LMO4: variants seen among roughly 807,000 people sequenced by gnomAD.
The protein encoded by LMO4 is LIM domain only 4, also known as LIM domain transcription factor LMO4.
A neutral mutation model predicts 18.5 loss-of-function variants in LMO4; 3 were observed. The observed-to-expected ratio is 0.16, with a 90% CI of 0.07 to 0.42. The LOEUF (loss-of-function observed/expected upper bound fraction) is 0.42, where lower values mean the gene tolerates loss of function less well. LMO4 is among the 10% of genes least tolerant of loss of function. The pLI is 0.99. For missense variants in LMO4, 121 were observed against 219.9 expected (o/e 0.55, Z 2.84); for synonymous variants, 100 against 88.1 (o/e 1.14, Z -0.76).
chr1:87,331,427 C>T (rs1457263028), intron 1 of LMO4: 1 of 152,600 alleles, frequency 6.6e-6, no homozygotes, highest in South Asian at 2.1e-4. Flanking sequence ...CCGGTCCCTC[C>T]CTCGTTCCCT....
chr1:87,343,658 G>A (rs1048392024), intron 4 of LMO4, among the ~76,000 whole-genome samples: 4 of 152,208 alleles, frequency 2.6e-5, no homozygotes, highest in African/African-American at 9.7e-5. Flanking sequence ...GGTGTTGTGT[G>A]TGTCCATCGT....
chr1:87,348,317 C>A lies in LMO4; in HGVS notation c.*3521C>A, dbSNP rs117439546. The stretch of plus-strand genomic sequence containing the variant: ...ATCCTGGGTGCTGTCCCACCTATGA[C>A]CCCTTCAAGAGGCCATTGGAAAAAG... On this transcript the variant is annotated 3_prime_UTR_variant, in exon 5 of 5. Coordinates refer to ENST00000370544, the MANE Select transcript of LMO4 (RefSeq NM_006769.4). The A allele has an allele frequency of 6.7e-4, 141 of 211,014 alleles. 1 individual carries two copies. In the East Asian group the frequency reaches 0.014, roughly 21 times the overall value. The allele number at this position is 211,014 out of a possible 1,614,324, so 13.1% of individuals were successfully genotyped here.
At chr1:87,340,236 A>G (rs981141301) in intron 4 of LMO4, 34 bp downstream of exon 4, 1 of 1,607,662 alleles carries the variant, frequency 6.2e-7, no homozygotes, top group Non-Finnish European at 8.5e-7. Flanking sequence ...AAGCTTTATT[A>G]GAGCAAGTTG....
At chr1:87,343,809 A>AG (rs2100569543) in intron 4 of LMO4, among the ~76,000 whole-genome samples, 1 of 152,318 alleles carries the variant, frequency 6.6e-6, no homozygotes, top group East Asian at 1.9e-4. Context: ...GCTTGGAAGT[A>AG]GGGGGTTGCA....
At chr1:87,329,286 A>T (rs1650059520) in intron 1 of LMO4, 42 bp downstream of exon 1, 1 of 151,980 alleles carries the variant, frequency 6.6e-6, no homozygotes, top group Admixed American at 6.5e-5. Context: ...GAGGTGGGAG[A>T]GGGAGGGAGG....
Position 87,339,642 on chromosome 1 carries a change from G to T in LMO4, c.333+10G>T. 1 of 1,558,944 alleles carries T rather than the reference G, an allele frequency of 6.4e-7. No individual in the cohort carries two copies. On this transcript the variant is annotated intron_variant, in intron 3 of 4. Coordinates refer to ENST00000370544, the MANE Select transcript of LMO4 (RefSeq NM_006769.4). ...TGTGTATCATCTTAAGGTAGTATTT[G>T]CATCTCTCTTTTTTTTTTAAAAAAA...
chr1:87,344,804 G>C lies in LMO4; in HGVS notation c.*8G>C. On this transcript the variant is annotated 3_prime_UTR_variant, in exon 5 of 5. Coordinates refer to ENST00000370544, the MANE Select transcript of LMO4 (RefSeq NM_006769.4). ...TTCTTGCAGGTCTGCTAAAAGGTCA[G>C]AGTAATGCAGAATGCGTGCCTTCAT... 6.2e-7 allele frequency: 1 copy of C among 1,613,870 alleles called. No homozygotes were observed. The highest frequency in any genetic ancestry group is 8.5e-7 in the Non-Finnish European group (1 of 1,179,828).
In LMO4 at chr1:87,348,631, C is replaced by A. The variant is rs190437534; in HGVS notation, c.*3835C>A. ...GGCATTTGTAGCCCTCTGCTCCCAT[C>A]GTGAACATGCTGAGAGCAATGACAA... On this transcript the variant is annotated 3_prime_UTR_variant, in exon 5 of 5. Coordinates refer to ENST00000370544, the MANE Select transcript of LMO4 (RefSeq NM_006769.4). The A allele has an allele frequency of 4.3e-6, 2 of 460,740 alleles. No individual in the cohort carries two copies. Among genetic ancestry groups the A allele is most frequent in the African/African-American group, 2.0e-5 (1 of 50,516 alleles). 28.5% of individuals were successfully genotyped at this position (460,740 alleles called of 1,614,324 possible). A position where few individuals can be genotyped will look rare whatever the true frequency, so the allele number is the denominator to read the frequency against.
At position 87,345,608 on chromosome 1, in the gene LMO4, C is replaced by T. The variant is rs2100571612; in HGVS notation, c.*812C>T. 1.3e-5 allele frequency: 2 copies of T among 152,120 alleles called. No homozygotes were observed. 9.4% of individuals were successfully genotyped at this position (152,120 alleles called of 1,614,324 possible). A position where few individuals can be genotyped will look rare whatever the true frequency, so the allele number is the denominator to read the frequency against. The stretch of plus-strand genomic sequence containing the variant: ...TAATGGTGTTTGGGTTTAAACACTG[C>T]TTTTTCTCTTCTGTATTTTGAAGAA... On this transcript the variant is annotated 3_prime_UTR_variant, in exon 5 of 5. Coordinates refer to ENST00000370544, the MANE Select transcript of LMO4 (RefSeq NM_006769.4).
chr1:87,344,095 A>C (rs184722106), intron 4 of LMO4, among the ~76,000 whole-genome samples: 98 of 152,342 alleles, frequency 6.4e-4, no homozygotes, highest in Non-Finnish European at 1.1e-3. Context: ...ATTAAGTGAC[A>C]TAGCAGATAA....
chr1:87,339,912 A>C, intron 3 of LMO4, 135 bp from the exon 4 acceptor site: 1 of 1,005,152 alleles, frequency 9.9e-7, no homozygotes, highest in Non-Finnish European at 1.5e-6. Context: ...GAGATCTGTC[A>C]AAGGAAGAAA....
chr1:87,333,834 T>C (rs779129606), intron 2 of LMO4, among the ~76,000 whole-genome samples: 4 of 151,394 alleles, frequency 2.6e-5, no homozygotes, highest in Non-Finnish European at 5.9e-5. Flanking sequence ...TGTAATTAAA[T>C]AGAAAGCAAA....
chr1:87,330,066 A>G (rs1650091679), intron 1 of LMO4, among the ~76,000 whole-genome samples: 1 of 147,418 alleles, frequency 6.8e-6, no homozygotes, highest in South Asian at 2.1e-4. Context: ...CTTAGTTATC[A>G]GGGGAGTCAG....
chr1:87,337,987 G>A (rs1650360272), intron 2 of LMO4, among the ~76,000 whole-genome samples: 1 of 152,204 alleles, frequency 6.6e-6, no homozygotes, highest in Non-Finnish European at 1.5e-5. Flanking sequence ...AGACTAATTA[G>A]TTTTGAAATG....
Position 87,345,745 on chromosome 1 carries a change from C to T in LMO4, c.*949C>T, listed in dbSNP as rs556121414. The T allele has an allele frequency of 6.6e-6, 1 of 152,318 alleles. No individual in the cohort carries two copies. Among genetic ancestry groups the T allele is most frequent in the South Asian group, 2.1e-4 (1 of 4,830 alleles). 9.4% of individuals were successfully genotyped at this position (152,318 alleles called of 1,614,324 possible). A position where few individuals can be genotyped will look rare whatever the true frequency, so the allele number is the denominator to read the frequency against. ...GGCCAGTAAGGTATTCTTCAAATTACTTAACCACGCCATTATTGGCAGGGG... is the reference window on the plus strand; with the variant it reads ...GGCCAGTAAGGTATTCTTCAAATTATTTAACCACGCCATTATTGGCAGGGG... On this transcript the variant is annotated 3_prime_UTR_variant, in exon 5 of 5. Transcript: ENST00000370544.
At chr1:87,338,785 G>A (rs1456399900) in intron 2 of LMO4, among the ~76,000 whole-genome samples, 2 of 152,082 alleles carry the variant, frequency 1.3e-5, no homozygotes, top group Non-Finnish European at 2.9e-5. Flanking sequence ...ATGACAAATG[G>A]GTCCAGATCC....
rs555137334 is a variant in LMO4 at position 87,344,687 on chromosome 1, G to C, written c.490-101G>C. On this transcript the variant is annotated intron_variant, in intron 4 of 4. Coordinates refer to ENST00000370544, the MANE Select transcript of LMO4 (RefSeq NM_006769.4). ...ACAGTTGGAAAGTAATCTAATAAAA[G>C]AAGATTAGTGAATGTGGGGAAGACA... 31 of 1,154,124 alleles carry C rather than the reference G, an allele frequency of 2.7e-5. No individual in the cohort carries two copies. The African/African-American group carries it at 4.1e-4, about 15-fold the overall frequency. The allele number at this position is 1,154,124 out of a possible 1,614,324, so 71.5% of individuals were successfully genotyped here.
intron 1 of LMO4, chr1:87,331,699 G>T (rs921615248): frequency 1.1e-5 from 4 of 362,940 alleles, no homozygotes; most frequent in South Asian, 6.7e-5. Context: ...GAGGGGTGGA[G>T]CGCGCAGCGG....
At chr1:87,336,536 G>A (rs1171410526) in intron 2 of LMO4, among the ~76,000 whole-genome samples, 1 of 152,200 alleles carries the variant, frequency 6.6e-6, no homozygotes, top group Non-Finnish European at 1.5e-5. Context: ...AGGAGAGCTG[G>A]AGCTCAGCGG....
Sources: allele counts gnomAD v4.1 joint callset (sites outside exome capture counted in the v4.1 genomes callset), GRCh38; gene constraint gnomAD v4.1.1; transcripts MANE v1.5; gene names NCBI Gene and HGNC (gene_info 2026-07-23, HGNC 2026-07-21).